Variants in PCDHA5 observed in about 807,000 individuals in gnomAD.
PCDHA5 encodes protocadherin alpha 5, also known as protocadherin alpha-5.
PCDHA5 carries 43 observed loss-of-function variants against 61.6 expected under a neutral mutation model. The ratio of observed to expected loss-of-function variants is 0.70; its 90% CI spans 0.55 to 0.90. The LOEUF (loss-of-function observed/expected upper bound fraction) is 0.90, where lower values mean the gene tolerates loss of function less well. PCDHA5 is among the 40% of genes least tolerant of loss of function. The pLI, the probability that PCDHA5 is intolerant of heterozygous loss-of-function variation, is 0.00. For synonymous variants in PCDHA5, 627 were observed against 543.9 expected (o/e 1.15, Z -2.13); for missense variants, 1,298 against 1,222.7 (o/e 1.06, Z -0.92).
At chr5:140,871,432 C>T (rs782382962) in intron 1 of PCDHA5, 1 of 1,612,926 alleles carries the variant, frequency 6.2e-7, no homozygotes, top group Non-Finnish European at 8.5e-7. Flanking sequence ...CAGTCTTCCT[C>T]TAGGTCTGAA....
At chr5:140,976,833 C>T (rs2096733011) in intron 1 of PCDHA5, among the ~76,000 whole-genome samples, 1 of 152,140 alleles carries the variant, frequency 6.6e-6, no homozygotes, top group Non-Finnish European at 1.5e-5. Flanking sequence ...ATGAGCAAAA[C>T]AGATATAATC....
chr5:140,852,012 T>C (rs2042217314), intron 1 of PCDHA5: 1 of 965,684 alleles, frequency 1.0e-6, no homozygotes, highest in East Asian at 1.1e-4. Context: ...TAATTTATAG[T>C]TTTAAAAACT....
chr5:140,839,001 C>T (rs1775989279), intron 1 of PCDHA5, among the ~76,000 whole-genome samples: 1 of 151,970 alleles, frequency 6.6e-6, no homozygotes, highest in Admixed American at 6.6e-5. Context: ...TTCTAATATA[C>T]TTTAGTAAAT....
At chr5:140,825,107 A>G (rs1768448752) in intron 1 of PCDHA5, 1 of 151,744 alleles carries the variant, frequency 6.6e-6, no homozygotes, top group Non-Finnish European at 1.5e-5. Context: ...TTCATATACA[A>G]ATAAACTTCC....
rs372058384 is a variant in PCDHA5, at chr5:140,875,718, C to T, written c.2352+51591C>T. ...TTCTGGAGGTAAATCTGCAGAATGGCATTTTGTTTGTGAATTCTCGGATCG... is the reference window on the plus strand; with the variant it reads ...TTCTGGAGGTAAATCTGCAGAATGGTATTTTGTTTGTGAATTCTCGGATCG... On this transcript the variant is annotated intron_variant, in intron 1 of 3. Coordinates refer to ENST00000529859, the MANE Select transcript of PCDHA5 (RefSeq NM_018908.3). 2.4e-5 allele frequency: 38 copies of T among 1,614,182 alleles called. 1 individual carries two copies. The highest frequency in any genetic ancestry group is 2.7e-5 in the Non-Finnish European group (32 of 1,180,048).
chr5:140,830,162 G>T (rs1554132602), intron 1 of PCDHA5: 1 of 1,613,386 alleles, frequency 6.2e-7, no homozygotes, highest in East Asian at 2.2e-5. Context: ...GGGCCCAGAG[G>T]CGGCGCTGGT....
intron 1 of PCDHA5, chr5:140,882,432 A>G: frequency 6.2e-7 from 1 of 1,614,052 alleles, no homozygotes; most frequent in Non-Finnish European, 8.5e-7. Context: ...CTGGGGCTGG[A>G]GCTGGCGGAG....
At chr5:140,913,969 AT>A (rs1304513966) in intron 1 of PCDHA5, among the ~76,000 whole-genome samples, 3 of 152,098 alleles carry the variant, frequency 2.0e-5, no homozygotes, top group Admixed American at 2.0e-4. Context: ...TTAAAAAAAT[AT>A]TTTAGGACTT....
At chr5:140,843,639 GC>G in intron 1 of PCDHA5, 1 of 1,595,772 alleles carries the variant, frequency 6.3e-7, no homozygotes, top group Non-Finnish European at 8.6e-7. Flanking sequence ...ATGGCCTTCA[GC>G]CCCTGCCTTC....
At chr5:140,960,079 A>G (rs1006555188) in intron 1 of PCDHA5, among the ~76,000 whole-genome samples, 1 of 152,228 alleles carries the variant, frequency 6.6e-6, no homozygotes, top group African/African-American at 2.4e-5. Flanking sequence ...TGAAGTTTCT[A>G]AAAGAGAAAG....
Position 141,010,907 on chromosome 5 carries a change from C to G in PCDHA5, c.*970C>G, listed in dbSNP as rs2098418753. 6.5e-6 allele frequency: 1 copy of G among 153,766 alleles called. No individual in the cohort carries two copies. 9.5% of individuals were successfully genotyped at this position (153,766 alleles called of 1,614,324 possible). A position where few individuals can be genotyped will look rare whatever the true frequency, so the allele number is the denominator to read the frequency against. ...GAAATATGAATACAATTCCCCTAAACTCTCCTCAAAAGAGAATTCAGTCTA... is the reference window on the plus strand; with the variant it reads ...GAAATATGAATACAATTCCCCTAAAGTCTCCTCAAAAGAGAATTCAGTCTA... On this transcript the variant is annotated 3_prime_UTR_variant, in exon 4 of 4. Coordinates refer to ENST00000529859, the MANE Select transcript of PCDHA5 (RefSeq NM_018908.3).
At chr5:140,869,145 A>G (rs1013407350) in intron 1 of PCDHA5, 58 of 1,613,508 alleles carry the variant, frequency 3.6e-5, no homozygotes, top group Non-Finnish European at 4.7e-5. Context: ...CCCCACGACT[A>G]CAGCTCTGGC....
At chr5:140,860,133 G>GTA (rs1366023813) in intron 1 of PCDHA5, 4 of 149,192 alleles carry the variant, frequency 2.7e-5, no homozygotes, top group Non-Finnish European at 5.9e-5. Flanking sequence ...GTGTGTGTGT[G>GTA]TATATATATG....
intron 1 of PCDHA5, chr5:140,876,767 C>T (rs1462172871): frequency 1.2e-6 from 2 of 1,614,194 alleles, no homozygotes; most frequent in South Asian, 1.1e-5. Flanking sequence ...GATGGGGGCT[C>T]GCCTTCGCTG....
At position 140,928,712 on chromosome 5, in the gene PCDHA5, G is replaced by A; in HGVS notation, c.2353-50237G>A. 3.1e-6 allele frequency: 5 copies of A among 1,614,168 alleles called. No homozygotes were observed. The highest frequency in any genetic ancestry group is 4.2e-6 in the Non-Finnish European group (5 of 1,180,042). Reference sequence around the variant, plus strand: ...CACATCTCCCGGGCGTCTGACTCTAGTCTCTTTAGAATTTCAGCCAATATA... The same window carrying A: ...CACATCTCCCGGGCGTCTGACTCTAATCTCTTTAGAATTTCAGCCAATATA... On this transcript the variant is annotated intron_variant, in intron 1 of 3. Coordinates refer to ENST00000529859, the MANE Select transcript of PCDHA5 (RefSeq NM_018908.3).
At position 140,833,364 on chromosome 5, in the gene PCDHA5, G is replaced by A. The variant is rs1298324769; in HGVS notation, c.2352+9237G>A. On this transcript the variant is annotated intron_variant, in intron 1 of 3. Transcript: ENST00000529859. ...ACATTCCAGAAAACGAACACAGTAA[G>A]GTAGATCCAAAAAGGATGAAATACC... Among the ~76,000 whole-genome samples the A allele has an allele frequency of 2.6e-5, 4 of 152,118 alleles. No homozygotes were observed. In the South Asian group the frequency reaches 8.3e-4, roughly 31 times the overall value.
chr5:140,957,222 G>A (rs537549328), intron 1 of PCDHA5, among the ~76,000 whole-genome samples: 1 of 152,182 alleles, frequency 6.6e-6, no homozygotes, highest in East Asian at 1.9e-4. Context: ...AAAATTTGGC[G>A]AAGCATTTTG....
At chr5:140,827,829 G>A (rs1007724850) in intron 1 of PCDHA5, 4 of 411,314 alleles carry the variant, frequency 9.7e-6, no homozygotes, top group African/African-American at 8.0e-5. Context: ...TATAAAAGTA[G>A]AGAAAAGAAG....
chr5:140,945,709 G>T (rs1033770128), intron 1 of PCDHA5, among the ~76,000 whole-genome samples: 1 of 151,930 alleles, frequency 6.6e-6, no homozygotes. Flanking sequence ...TGCAACAAAA[G>T]TATCAAGAAT....
Sources: gnomAD v4.1 joint callset for allele counts (sites outside exome capture counted in the v4.1 genomes callset) on GRCh38, gnomAD v4.1.1 for gene constraint, MANE v1.5 for transcripts, NCBI Gene and HGNC (gene_info 2026-07-23, HGNC 2026-07-21) for gene names.